Variants in TRPC4 observed in about 807,000 individuals in gnomAD.
TRPC4 encodes the protein transient receptor potential cation channel subfamily C member 4.
In TRPC4, 49 loss-of-function variants were observed where a neutral mutation model predicts 99.4. That is an observed-to-expected ratio of 0.49 (90% CI 0.39 to 0.63). The LOEUF (loss-of-function observed/expected upper bound fraction) is 0.63. Among genes scored for constraint, TRPC4 ranks in the 20% least tolerant of loss-of-function variants. The pLI is 0.00. For missense variants in TRPC4, 898 were observed against 1,152.9 expected, an observed-to-expected ratio of 0.78 and a Z score of 3.20; for synonymous variants, 454 against 425.9, an observed-to-expected ratio of 1.07 and a Z score of -0.81.
intron 6 of TRPC4, among the ~76,000 whole-genome samples, chr13:37,658,929 T>G (rs1362163454): frequency 6.6e-6 from 1 of 151,810 alleles, no homozygotes; most frequent in Non-Finnish European, 1.5e-5. Context: ...ATATCTGAGG[T>G]AGGATTTGGA....
At chr13:37,695,662 T>G (rs1953880581) in intron 3 of TRPC4, among the ~76,000 whole-genome samples, 1 of 152,232 alleles carries the variant, frequency 6.6e-6, no homozygotes, top group Non-Finnish European at 1.5e-5. Context: ...TAAAAGACGC[T>G]GTGAAAACAA....
chr13:37,757,014 T>C (rs1247222861), intron 2 of TRPC4, among the ~76,000 whole-genome samples: 1 of 151,814 alleles, frequency 6.6e-6, no homozygotes, highest in Non-Finnish European at 1.5e-5. Context: ...GGACCCTAAT[T>C]CAGAAAGAAT....
At position 37,649,731 on chromosome 13, in the gene TRPC4, C is replaced by CAAAAAAAAAAAAAAAA. The variant is rs775364702; in HGVS notation, c.2079+1518_2079+1533dup. On this transcript the variant is annotated intron_variant, in intron 8 of 10. Coordinates refer to ENST00000379705, the MANE Select transcript of TRPC4 (RefSeq NM_016179.4). ...TGGGCAACTGAGCGAGACTCCGTCT[C>CAAAAAAAAAAAAAAAA]AAAAAAAAAAAAAAAAAAAAAAAAA... Among the ~76,000 whole-genome samples the CAAAAAAAAAAAAAAAA allele has an allele frequency of 3.3e-4, 21 of 62,706 alleles. 1 individual carries two copies. In the East Asian group the frequency reaches 7.7e-3, roughly 23 times the overall value. 41.1% of individuals were successfully genotyped at this position (62,706 alleles called of 152,430 possible). A position where few individuals can be genotyped will look rare whatever the true frequency, so the allele number is the denominator to read the frequency against.
chr13:37,727,618 G>A (rs984788094), intron 3 of TRPC4, among the ~76,000 whole-genome samples: 1 of 151,964 alleles, frequency 6.6e-6, no homozygotes. Flanking sequence ...AGACCAAAAA[G>A]CTGGTTCTTC....
intron 3 of TRPC4, among the ~76,000 whole-genome samples, chr13:37,730,422 C>G (rs1199333370): frequency 6.6e-6 from 1 of 151,846 alleles, no homozygotes; most frequent in East Asian, 1.9e-4. Flanking sequence ...TCATGAATTC[C>G]TATGTTGATA....
intron 4 of TRPC4, among the ~76,000 whole-genome samples, chr13:37,678,477 G>A (rs906973053): frequency 3.3e-5 from 5 of 151,970 alleles, no homozygotes; most frequent in Non-Finnish European, 5.9e-5. Flanking sequence ...CAACTAGAAT[G>A]AATACCTGGA....
chr13:37,683,386 A>G (rs1050411711), intron 4 of TRPC4, among the ~76,000 whole-genome samples: 1 of 152,128 alleles, frequency 6.6e-6, no homozygotes, highest in Admixed American at 6.5e-5. Context: ...TTGTGAGGTA[A>G]GTGCATATTA....
chr13:37,821,810 C>A (rs548824723), intron 1 of TRPC4, among the ~76,000 whole-genome samples: 1 of 152,088 alleles, frequency 6.6e-6, no homozygotes, highest in East Asian at 1.9e-4. Flanking sequence ...CAAAAATCAG[C>A]TCAAGATAGA....
At chr13:37,662,390 AC>A (rs1192060985) in intron 6 of TRPC4, among the ~76,000 whole-genome samples, 1 of 152,236 alleles carries the variant, frequency 6.6e-6, no homozygotes, top group Non-Finnish European at 1.5e-5. Flanking sequence ...TCAATGGCTG[AC>A]ATTTAAAAAT....
At chr13:37,852,295 C>A (rs1959079471) in intron 1 of TRPC4, among the ~76,000 whole-genome samples, 1 of 152,108 alleles carries the variant, frequency 6.6e-6, no homozygotes, top group South Asian at 2.1e-4. Flanking sequence ...CCTACTCAGC[C>A]ACAGTAGGAG....
At chr13:37,651,823 G>T in intron 7 of TRPC4, among the ~76,000 whole-genome samples, 1 of 152,234 alleles carries the variant, frequency 6.6e-6, no homozygotes, top group East Asian at 1.9e-4. Context: ...TAGACTTTCT[G>T]TCTTAACCAA....
intron 3 of TRPC4, among the ~76,000 whole-genome samples, chr13:37,732,268 G>C (rs1043252876): frequency 6.6e-6 from 1 of 152,012 alleles, no homozygotes; most frequent in Non-Finnish European, 1.5e-5. Flanking sequence ...ATAAATGAGG[G>C]GAAATTTATT....
At chr13:37,731,949 C>G (rs1300400765) in intron 3 of TRPC4, among the ~76,000 whole-genome samples, 2 of 151,976 alleles carry the variant, frequency 1.3e-5, no homozygotes, top group Non-Finnish European at 2.9e-5. Flanking sequence ...TTTTTCCTCA[C>G]CAATGGTCAA....
chr13:37,765,230 G>A (rs973439097), intron 2 of TRPC4, among the ~76,000 whole-genome samples: 47 of 151,094 alleles, frequency 3.1e-4, no homozygotes, highest in Admixed American at 2.3e-3. Context: ...CCCCAATATT[G>A]TTCAGTGTAG....
At chr13:37,798,725 G>A (rs1957317751) in intron 1 of TRPC4, among the ~76,000 whole-genome samples, 2 of 152,000 alleles carry the variant, frequency 1.3e-5, no homozygotes, top group South Asian at 4.1e-4. Context: ...ATTACAACCT[G>A]CTGAAACCAA....
intron 5 of TRPC4, among the ~76,000 whole-genome samples, chr13:37,669,887 T>C (rs1952776434): frequency 6.6e-6 from 1 of 152,122 alleles, no homozygotes. Flanking sequence ...AGTATGAATG[T>C]CATGAACTGA....
chr13:37,823,928 T>A (rs923687800), intron 1 of TRPC4, among the ~76,000 whole-genome samples: 4 of 149,404 alleles, frequency 2.7e-5, no homozygotes, highest in Admixed American at 1.4e-4. Flanking sequence ...TCCATTTGTT[T>A]GTATCCTCTT....
intron 3 of TRPC4, among the ~76,000 whole-genome samples, chr13:37,695,403 T>G (rs1953871604): frequency 6.6e-6 from 1 of 152,202 alleles, no homozygotes; most frequent in South Asian, 2.1e-4. Context: ...TCACATTGCC[T>G]GCAGTGTGCT....
Position 37,674,318 on chromosome 13 carries a change from G to C in TRPC4, c.1284C>G (p.Asp428Glu). 1 of 1,608,468 alleles carries C rather than the reference G, an allele frequency of 6.2e-7. No individual in the cohort carries two copies. The highest frequency in any genetic ancestry group is 1.1e-5 in the South Asian group (1 of 88,272). ...TTAGATTCCACCAATCATGGATGTA[G>C]TCCTGAAGTCCGCCATCCCACATCT... ...IKQMWDGGLQ[D>E]YIHDWWNLMD... Residue 428 changes from aspartate to glutamate, a missense_variant, in exon 5 of 11, where the codon GAC becomes GAG. Coordinates refer to ENST00000379705, the MANE Select transcript of TRPC4 (RefSeq NM_016179.4).
Sources: allele counts gnomAD v4.1 joint callset (sites outside exome capture counted in the v4.1 genomes callset), GRCh38; gene constraint gnomAD v4.1.1; transcripts MANE v1.5; gene names NCBI Gene and HGNC (gene_info 2026-07-23, HGNC 2026-07-21).